Variants in PKP1 observed in about 807,000 individuals in gnomAD.
The protein encoded by PKP1 is plakophilin-1.
A neutral mutation model predicts 76.4 loss-of-function variants in PKP1; 27 were observed. The observed-to-expected ratio is 0.35, with a 90% confidence interval of 0.26 to 0.49. The LOEUF is 0.49. Ranked by LOEUF, PKP1 falls within the 20% of genes least tolerant of loss-of-function variation. The probability of loss-of-function intolerance (pLI) is 0.99; values close to 1 mark genes in which losing one functional copy is unlikely to be tolerated. For synonymous variants in PKP1, 404 were observed against 384.2 expected, an observed-to-expected ratio of 1.05 and a Z score of -0.60; for missense variants, 964 against 955.2, an observed-to-expected ratio of 1.01 and a Z score of -0.12.
At chr1:201,316,019 GACTTGGGGATGGAT>G (rs1437824923) in intron 3 of PKP1, among the ~76,000 whole-genome samples, 3 of 152,192 alleles carry the variant, frequency 2.0e-5, no homozygotes, top group Non-Finnish European at 4.4e-5. Flanking sequence ...GAGCCAGCTG[GACTTGGGGATGGAT>G]AGATGGATGG....
intron 1 of PKP1, among the ~76,000 whole-genome samples, chr1:201,290,781 G>A (rs541031135): frequency 3.3e-5 from 5 of 152,318 alleles, no homozygotes; most frequent in African/African-American, 7.2e-5. Context: ...GACATGGTTC[G>A]CACTTCAGAG....
Position 201,331,232 on chromosome 1 carries a change from G to A in PKP1, c.*1191G>A, listed in dbSNP as rs1370117536. On this transcript the variant is annotated 3_prime_UTR_variant, in exon 14 of 14. Coordinates refer to ENST00000367324, the MANE Select transcript of PKP1 (RefSeq NM_001005337.3). ...ACTAGGAAAGGAAAGTGCCATATCA[G>A]GGTACCGGTACCGGCAAGCTCACAT... is the stretch of plus-strand genomic sequence containing the variant. 1 of 152,260 alleles carries A rather than the reference G, an allele frequency of 6.6e-6. No homozygotes were observed. The highest frequency in any genetic ancestry group is 2.4e-5 in the African/African-American group (1 of 41,430). The allele number at this position is 152,260 out of a possible 1,614,324, so 9.4% of individuals were successfully genotyped here.
chr1:201,320,465 C>T (rs577462649), intron 7 of PKP1, 84 bp downstream of exon 7: 15 of 844,946 alleles, frequency 1.8e-5, no homozygotes, highest in African/African-American at 1.7e-4. Context: ...GGCCCAGTGA[C>T]AAGACAGGAG....
At chr1:201,329,807 G>A (rs1453556242) in intron 13 of PKP1, among the ~76,000 whole-genome samples, 2 of 152,230 alleles carry the variant, frequency 1.3e-5, no homozygotes, top group Admixed American at 6.5e-5. Context: ...AAGAGATTCG[G>A]TTTGGCAAAT....
At chr1:201,289,950 G>A (rs1239218532) in intron 1 of PKP1, among the ~76,000 whole-genome samples, 1 of 152,194 alleles carries the variant, frequency 6.6e-6, no homozygotes, top group Non-Finnish European at 1.5e-5. Flanking sequence ...TTGAAAGCTT[G>A]GAGGTGGAAG....
At chr1:201,324,655 T>C in intron 10 of PKP1, 74 bp downstream of exon 10, 1 of 1,542,194 alleles carries the variant, frequency 6.5e-7, no homozygotes, top group Non-Finnish European at 8.9e-7. Flanking sequence ...TGCTTGAAGG[T>C]CATCCTTTAA....
rs912044146 is a variant in PKP1, at chr1:201,319,960, G to A, written c.1233-307G>A. 30 of 1,468,830 alleles carry A rather than the reference G, an allele frequency of 2.0e-5. No individual in the cohort carries two copies. In the African/African-American group the frequency reaches 4.0e-4, roughly 20 times the overall value. The allele number at this position is 1,468,830 out of a possible 1,614,324, so 91.0% of individuals were successfully genotyped here. ...TATAAAGTTACTGGGCAGAGTGAAG[G>A]AGGAGAAGAACTGAGTGCAAATGAG... On this transcript the variant is annotated intron_variant, in intron 6 of 13. Transcript: ENST00000367324.
At chr1:201,320,940 C>T (rs1571560735) in intron 7 of PKP1, among the ~76,000 whole-genome samples, 1 of 152,174 alleles carries the variant, frequency 6.6e-6, no homozygotes, top group Admixed American at 6.5e-5. Flanking sequence ...TCTTGCTGCC[C>T]TCTCTGGACT....
Position 201,324,462 on chromosome 1 carries a change from AG to A in PKP1, c.1717del (p.Glu573LysfsTer26). ...SSGMSQLIGL[K>X]EKGLPQIARL... ...GGCATGAGCCAGTTGATTGGGCTGAAGGAAAAGGGCCTGCCACAAATTGCCC... is the reference window on the plus strand; with the variant it reads ...GGCATGAGCCAGTTGATTGGGCTGAAGAAAAGGGCCTGCCACAAATTGCCC... On this transcript the variant is annotated frameshift_variant, in exon 10 of 14. Transcript: ENST00000367324. LOFTEE classifies it high-confidence loss of function. 6.2e-7 allele frequency: 1 copy of A among 1,614,138 alleles called. No individual in the cohort carries two copies. The highest frequency in any genetic ancestry group is 1.1e-5 in the South Asian group (1 of 91,068).
At chr1:201,321,209 C>G (rs1304006886) in intron 7 of PKP1, among the ~76,000 whole-genome samples, 1 of 152,198 alleles carries the variant, frequency 6.6e-6, no homozygotes, top group Non-Finnish European at 1.5e-5. Context: ...CACTGGGCTG[C>G]TCAGCCTGCT....
chr1:201,318,525 C>A, intron 5 of PKP1, 93 bp from the exon 6 acceptor site: 1 of 1,060,254 alleles, frequency 9.4e-7, no homozygotes, highest in Non-Finnish European at 1.5e-6. Context: ...TTCAGTAGGG[C>A]CCATTTGCCA....
At chr1:201,314,636 A>G (rs766092467) in intron 3 of PKP1, among the ~76,000 whole-genome samples, 1 of 152,252 alleles carries the variant, frequency 6.6e-6, no homozygotes, top group Non-Finnish European at 1.5e-5. Context: ...ATAGACGCAG[A>G]GGTGTCGTGA....
chr1:201,303,004 C>G (rs12568868), intron 2 of PKP1, among the ~76,000 whole-genome samples: 13 of 152,230 alleles, frequency 8.5e-5, no homozygotes, highest in Non-Finnish European at 1.6e-4. Context: ...TCTCCTGACT[C>G]CTGGCTCAGG....
rs920111036 is a variant in PKP1 at position 201,310,775 on chromosome 1, G to C, written c.307-2391G>C. 2.6e-5 allele frequency among the ~76,000 whole-genome samples: 4 copies of C among 152,210 alleles called. No individual in the cohort carries two copies. In the East Asian group the frequency reaches 7.7e-4, roughly 29 times the overall value. On this transcript the variant is annotated intron_variant, in intron 2 of 13. Coordinates refer to ENST00000367324, the MANE Select transcript of PKP1 (RefSeq NM_001005337.3). ...GCTGGGGTGGGGTTCCCAGGAATGG[G>C]TGACGCCACTAGGGTGTGGCTGATG...
intron 6 of PKP1, chr1:201,319,721 C>T: frequency 7.9e-7 from 1 of 1,264,138 alleles, no homozygotes; most frequent in African/African-American, 1.5e-5. Context: ...GGGCAGAACA[C>T]AGCTTGGGTG....
chr1:201,298,345 G>C lies in PKP1; in HGVS notation c.306+4300G>C, dbSNP rs567165850. On this transcript the variant is annotated intron_variant, in intron 2 of 13. Coordinates refer to ENST00000367324, the MANE Select transcript of PKP1 (RefSeq NM_001005337.3). Reference sequence around the variant, plus strand: ...TGGGTTTGTCCTCAGTGAAGCTGAGGCGTGTGGACAATTTTGATTTCCAGG... The same window carrying C: ...TGGGTTTGTCCTCAGTGAAGCTGAGCCGTGTGGACAATTTTGATTTCCAGG... Among the ~76,000 whole-genome samples the C allele has an allele frequency of 2.0e-5, 3 of 152,316 alleles. No homozygotes were observed. In the South Asian group the frequency reaches 6.2e-4, roughly 32 times the overall value.
intron 10 of PKP1, 68 bp downstream of exon 10, chr1:201,324,649 T>G: frequency 6.4e-7 from 1 of 1,574,202 alleles, no homozygotes; most frequent in Non-Finnish European, 8.7e-7. Context: ...CAAGCCTGCT[T>G]GAAGGTCATC....
intron 1 of PKP1, among the ~76,000 whole-genome samples, chr1:201,286,391 T>C (rs1655738892): frequency 6.6e-6 from 1 of 152,170 alleles, no homozygotes; most frequent in Non-Finnish European, 1.5e-5. Context: ...TAGCCACTGC[T>C]CCTTGTACCC....
chr1:201,320,092 CTCCT>C, intron 6 of PKP1, 171 bp from the exon 7 acceptor site: 4 of 693,342 alleles, frequency 5.8e-6, no homozygotes, highest in Non-Finnish European at 5.2e-6. Flanking sequence ...CTTTCCTCTT[CTCCT>C]TCCTTCCTTC....
Sources: allele counts gnomAD v4.1 joint callset (sites outside exome capture counted in the v4.1 genomes callset), GRCh38; gene constraint gnomAD v4.1.1; transcripts MANE v1.5; gene names NCBI Gene and HGNC (gene_info 2026-07-23, HGNC 2026-07-21).